Variants in MCC observed in about 807,000 individuals in gnomAD.
MCC encodes colorectal mutant cancer protein.
Under a neutral mutation model 116.2 loss-of-function variants are expected in MCC, and 90 were observed. That is an observed-to-expected ratio of 0.77 (90% confidence interval 0.65 to 0.92). The LOEUF (loss-of-function observed/expected upper bound fraction) is 0.92, where lower values mean the gene tolerates loss of function less well. Among genes scored for constraint, MCC ranks in the 40% least tolerant of loss-of-function variants. The pLI is 0.00. For synonymous variants in MCC, 578 were observed against 510.5 expected (o/e 1.13, Z -1.78); for missense variants, 1,516 against 1,312.2 (o/e 1.16, Z -2.40).
chr5:113,405,648 T>C (rs775410594), intron 1 of MCC, among the ~76,000 whole-genome samples: 14 of 151,712 alleles, frequency 9.2e-5, no homozygotes, highest in Non-Finnish European at 1.8e-4. Flanking sequence ...TACAATTTTC[T>C]TTTTAAAAAT....
At chr5:113,244,889 A>G (rs1019417374) in intron 3 of MCC, among the ~76,000 whole-genome samples, 1 of 152,254 alleles carries the variant, frequency 6.6e-6, no homozygotes, top group South Asian at 2.1e-4. Flanking sequence ...AAATTTGTCA[A>G]ATAAAATCTG....
chr5:113,480,170 G>C (rs1448358625), intron 1 of MCC, among the ~76,000 whole-genome samples: 1 of 152,160 alleles, frequency 6.6e-6, no homozygotes, highest in South Asian at 2.1e-4. Context: ...TAGTTCTTTA[G>C]ATAAGCAAAC....
chr5:113,066,900 T>C (rs761200731), intron 13 of MCC, among the ~76,000 whole-genome samples: 15 of 152,208 alleles, frequency 9.9e-5, no homozygotes, highest in Non-Finnish European at 1.6e-4. Flanking sequence ...CCTGGTCACC[T>C]TGGCTTTCTG....
At chr5:113,360,905 C>A (rs1050832369) in intron 2 of MCC, among the ~76,000 whole-genome samples, 1 of 152,190 alleles carries the variant, frequency 6.6e-6, no homozygotes, top group Admixed American at 6.5e-5. Flanking sequence ...CCTGGATGTC[C>A]TACTCCTGCT....
At chr5:113,027,698 A>G (rs1750655890) in intron 18 of MCC, among the ~76,000 whole-genome samples, 1 of 151,744 alleles carries the variant, frequency 6.6e-6, no homozygotes, top group South Asian at 2.1e-4. Context: ...ACCCTGATGA[A>G]TCCAGCCGGA....
intron 7 of MCC, among the ~76,000 whole-genome samples, chr5:113,103,955 T>C (rs1348999295): frequency 1.3e-5 from 2 of 152,196 alleles, no homozygotes; most frequent in African/African-American, 4.8e-5. Context: ...TAAATTGTCC[T>C]TTTTACCGCA....
At position 113,024,598 on chromosome 5, in the gene MCC, T is replaced by C. The variant is rs1285643321; in HGVS notation, c.*2704A>G. 1 of 152,182 alleles carries C rather than the reference T, an allele frequency of 6.6e-6. No individual in the cohort carries two copies. Among genetic ancestry groups the C allele is most frequent in the Admixed American group, 6.5e-5 (1 of 15,280 alleles). The allele number at this position is 152,182 out of a possible 1,614,324, so 9.4% of individuals were successfully genotyped here. On this transcript the variant is annotated 3_prime_UTR_variant, in exon 19 of 19. Transcript: ENST00000408903. ...GGAAACTAGGGAGAACAATTCAAAA[T>C]ACGAAATCTGAAGGTTTTTAACCTC...
At chr5:113,397,712 A>C (rs906496218) in intron 1 of MCC, among the ~76,000 whole-genome samples, 7 of 152,266 alleles carry the variant, frequency 4.6e-5, no homozygotes, top group African/African-American at 1.7e-4. Context: ...AGCCTTAAGT[A>C]GAAGACCCAC....
At chr5:113,161,620 ATGTGTGTGTGTGTG>A (rs57962617) in intron 3 of MCC, among the ~76,000 whole-genome samples, 3,107 of 148,408 alleles carry the variant, frequency 0.021, 98 homozygotes, top group Admixed American at 0.073. Flanking sequence ...GTTTAGATTT[ATGTGTGTGTGTGTG>A]TGTGTGTGTG....
intron 5 of MCC, among the ~76,000 whole-genome samples, chr5:113,125,013 T>C (rs1030329757): frequency 5.9e-5 from 9 of 152,150 alleles, no homozygotes; most frequent in African/African-American, 2.2e-4. Context: ...AGGCAAAGGC[T>C]CAGAGGAGCT....
intron 3 of MCC, among the ~76,000 whole-genome samples, chr5:113,275,087 A>C (rs577435698): frequency 2.0e-4 from 31 of 152,198 alleles, no homozygotes; most frequent in Non-Finnish European, 3.8e-4. Context: ...ACCTAAGACC[A>C]TCCTAGCAAC....
At chr5:113,461,763 A>T (rs998717905) in intron 1 of MCC, among the ~76,000 whole-genome samples, 46 of 151,860 alleles carry the variant, frequency 3.0e-4, no homozygotes, top group Non-Finnish European at 3.7e-4. Context: ...AAAAAAAAAA[A>T]AAAAATTCTG....
intron 1 of MCC, among the ~76,000 whole-genome samples, chr5:113,406,182 TATG>T (rs1156660353): frequency 6.6e-6 from 1 of 152,200 alleles, no homozygotes; most frequent in South Asian, 2.1e-4. Context: ...CCTGAGAAAT[TATG>T]ATGAAGTTAA....
rs138789535 is a variant in MCC, at chr5:113,487,828, G to GT, written c.170+416dup. On this transcript the variant is annotated intron_variant, in intron 1 of 18. Transcript: ENST00000408903. ...TCTCCTCCCGGTGCGGCCCTGGGGTGTCCACCAAGCCGCCGGGCAGATCGC... is the reference window on the plus strand; with the variant it reads ...TCTCCTCCCGGTGCGGCCCTGGGGTGTTCCACCAAGCCGCCGGGCAGATCGC... Among the ~76,000 whole-genome samples the GT allele has an allele frequency of 5.2e-4, 79 of 152,356 alleles. 1 individual carries two copies. Among genetic ancestry groups the GT allele is most frequent in the African/African-American group, 1.8e-3 (76 of 41,592 alleles).
At chr5:113,258,523 A>T (rs1442119895) in intron 3 of MCC, among the ~76,000 whole-genome samples, 1 of 152,242 alleles carries the variant, frequency 6.6e-6, no homozygotes, top group African/African-American at 2.4e-5. Flanking sequence ...TGTAAACTGC[A>T]CTGCAAGGAA....
intron 14 of MCC, among the ~76,000 whole-genome samples, chr5:113,061,303 G>C (rs774718731): frequency 2.4e-4 from 37 of 152,338 alleles, no homozygotes; most frequent in South Asian, 1.2e-3. Flanking sequence ...GGCCGATCCT[G>C]TCTTGGCCAC....
At chr5:113,443,087 G>A (rs1771092135) in intron 1 of MCC, among the ~76,000 whole-genome samples, 1 of 152,126 alleles carries the variant, frequency 6.6e-6, no homozygotes, top group Non-Finnish European at 1.5e-5. Flanking sequence ...AATTACTTTG[G>A]GCAGTATGGC....
chr5:113,318,532 G>A (rs1767343714), intron 3 of MCC, among the ~76,000 whole-genome samples: 1 of 152,160 alleles, frequency 6.6e-6, no homozygotes, highest in African/African-American at 2.4e-5. Flanking sequence ...CCTTTGCAGG[G>A]TCATGGTTGG....
intron 13 of MCC, among the ~76,000 whole-genome samples, chr5:113,067,225 G>T (rs1219234427): frequency 6.6e-6 from 1 of 152,170 alleles, no homozygotes; most frequent in African/African-American, 2.4e-5. Context: ...TCCCCGGGCT[G>T]GGGGAAGGAC....
Sources: gnomAD v4.1 joint callset for allele counts (sites outside exome capture counted in the v4.1 genomes callset) on GRCh38, gnomAD v4.1.1 for gene constraint, MANE v1.5 for transcripts, NCBI Gene and HGNC (gene_info 2026-07-23, HGNC 2026-07-21) for gene names.